Variants in HIVEP3 observed in about 807,000 individuals in gnomAD.
HIVEP3 encodes the protein HIVEP zinc finger 3, also known as transcription factor HIVEP3.
A neutral mutation model predicts 152.8 loss-of-function variants in HIVEP3; 49 were observed. The observed-to-expected ratio is 0.32, with a 90% confidence interval of 0.26 to 0.41. The LOEUF (loss-of-function observed/expected upper bound fraction) is 0.41. Ranked by LOEUF, HIVEP3 falls within the 10% of genes least tolerant of loss-of-function variation. The probability of loss-of-function intolerance (pLI) is 1.00; values close to 1 mark genes in which losing one functional copy is unlikely to be tolerated. For missense variants in HIVEP3, 2,790 were observed against 3,103.3 expected (o/e 0.90, Z 2.40); for synonymous variants, 1,269 against 1,289.0 (o/e 0.98, Z 0.33).
chr1:41,680,954 T>A (rs1190899235), intron 2 of HIVEP3, among the ~76,000 whole-genome samples: 1 of 152,234 alleles, frequency 6.6e-6, no homozygotes, highest in Non-Finnish European at 1.5e-5. Context: ...GCTGACCATT[T>A]CACATTTATT....
At chr1:41,998,887 C>CTTTTTTTTTTTTTTTT (rs1184823372) in intron 1 of HIVEP3, among the ~76,000 whole-genome samples, 3 of 77,310 alleles carry the variant, frequency 3.9e-5, no homozygotes, top group Non-Finnish European at 6.8e-5. Context: ...TTTTCTCTCT[C>CTTTTTTTTTTTTTTTT]TCTTTTTTTT....
At chr1:41,716,393 C>T (rs1285547255) in intron 1 of HIVEP3, among the ~76,000 whole-genome samples, 1 of 152,182 alleles carries the variant, frequency 6.6e-6, no homozygotes, top group African/African-American at 2.4e-5. Flanking sequence ...TTTGCTGCCC[C>T]ACCCAAGCTC....
At chr1:41,784,199 T>C (rs1305147747) in intron 1 of HIVEP3, among the ~76,000 whole-genome samples, 2 of 152,242 alleles carry the variant, frequency 1.3e-5, no homozygotes, top group African/African-American at 4.8e-5. Context: ...TGGAAGCCAC[T>C]AGCCACTTGT....
At chr1:41,994,954 G>T (rs185797087) in intron 1 of HIVEP3, among the ~76,000 whole-genome samples, 384 of 151,996 alleles carry the variant, frequency 2.5e-3, no homozygotes, top group Non-Finnish European at 3.8e-3. Context: ...TTATTAGAGA[G>T]AGAATTAGAA....
At chr1:41,723,366 C>T (rs533720873) in intron 1 of HIVEP3, among the ~76,000 whole-genome samples, 8 of 151,976 alleles carry the variant, frequency 5.3e-5, no homozygotes, top group South Asian at 4.2e-4. Context: ...ATTGTTGTAA[C>T]GGAAAGTCAT....
chr1:41,674,381 TC>T (rs1331516857), intron 2 of HIVEP3, among the ~76,000 whole-genome samples: 5 of 152,224 alleles, frequency 3.3e-5, no homozygotes, highest in African/African-American at 1.2e-4. Context: ...TGGCGATGCT[TC>T]ATCCTGTTCA....
intron 5 of HIVEP3, among the ~76,000 whole-genome samples, chr1:41,566,805 G>A (rs1450679604): frequency 6.6e-6 from 1 of 152,008 alleles, no homozygotes; most frequent in Non-Finnish European, 1.5e-5. Flanking sequence ...TGCTTCTCTG[G>A]CGATTCCTCC....
intron 1 of HIVEP3, among the ~76,000 whole-genome samples, chr1:41,898,887 T>C (rs2124450823): frequency 6.6e-6 from 1 of 152,388 alleles, no homozygotes; most frequent in Middle Eastern, 3.4e-3. Flanking sequence ...CCAGATCTAT[T>C]CATTCAGCAA....
chr1:41,528,288 CCACA>C (rs1259866489), intron 5 of HIVEP3, among the ~76,000 whole-genome samples: 1 of 126,816 alleles, frequency 7.9e-6, no homozygotes, highest in Non-Finnish European at 1.7e-5. Context: ...ACATACACCC[CCACA>C]CTCACCCTCA....
chr1:41,531,436 AAGACAGGGGAGAT>A, intron 5 of HIVEP3, among the ~76,000 whole-genome samples: 1 of 108,638 alleles, frequency 9.2e-6, no homozygotes, highest in East Asian at 4.0e-4. Context: ...GGGGAGATGG[AAGACAGGGGAGAT>A]GGAGGACATG....
Position 41,662,680 on chromosome 1 carries a change from G to T in HIVEP3, c.-720-33733C>A, listed in dbSNP as rs2124049376. On this transcript the variant is annotated intron_variant, in intron 2 of 8. Coordinates refer to ENST00000372583, the MANE Select transcript of HIVEP3 (RefSeq NM_024503.5). This position sits in a 1 kb window ranked among gnomAD's most constrained non-coding sequence, Gnocchi z 7.2. Reference sequence around the variant, plus strand: ...TGCGCGCCGGCCTCCTCGGTGACAGGCCGTGTCACTCCGGGCGCCGCCCCT... The same window carrying T: ...TGCGCGCCGGCCTCCTCGGTGACAGTCCGTGTCACTCCGGGCGCCGCCCCT... Among the ~76,000 whole-genome samples, 3 of 151,788 alleles carry T rather than the reference G, an allele frequency of 2.0e-5. No homozygotes were observed. The highest frequency in any genetic ancestry group is 7.2e-5 in the African/African-American group (3 of 41,454).
chr1:41,527,331 C>CCCTT (rs1643012006), intron 5 of HIVEP3, among the ~76,000 whole-genome samples: 3 of 67,582 alleles, frequency 4.4e-5, no homozygotes, highest in Non-Finnish European at 1.0e-4. Flanking sequence ...CACTCACACA[C>CCCTT]ACATCCCACC....
At chr1:41,956,401 C>G (rs72949494) in intron 1 of HIVEP3, among the ~76,000 whole-genome samples, 1,588 of 152,266 alleles carry the variant, frequency 0.01, 23 homozygotes, top group African/African-American at 0.035. Flanking sequence ...TGATCCTAAG[C>G]AAGAAAAACA....
intron 1 of HIVEP3, among the ~76,000 whole-genome samples, chr1:41,976,043 C>T (rs1255726568): frequency 2.0e-5 from 3 of 149,776 alleles, no homozygotes; most frequent in Non-Finnish European, 2.9e-5. Flanking sequence ...CTAGTGGTTT[C>T]ATCCACTTGA....
intron 5 of HIVEP3, among the ~76,000 whole-genome samples, chr1:41,558,685 G>A (rs1644007374): frequency 6.6e-6 from 1 of 152,174 alleles, no homozygotes; most frequent in Non-Finnish European, 1.5e-5. Flanking sequence ...GCCCTTGTCA[G>A]CTGCCTCCAT....
chr1:41,545,600 CACCACCATCACCACCACT>C (rs1643763281), intron 5 of HIVEP3, among the ~76,000 whole-genome samples: 1 of 141,024 alleles, frequency 7.1e-6, no homozygotes, highest in Non-Finnish European at 1.5e-5. Flanking sequence ...TCACCACCAC[CACCACCATCACCACCACT>C]ACCATCACCA....
chr1:41,762,024 T>C (rs566612840), intron 1 of HIVEP3, among the ~76,000 whole-genome samples: 1 of 152,220 alleles, frequency 6.6e-6, no homozygotes, highest in Non-Finnish European at 1.5e-5. Flanking sequence ...CTCACCTATT[T>C]TACACATACC....
chr1:41,857,983 A>C (rs74663696), intron 1 of HIVEP3, among the ~76,000 whole-genome samples: 23 of 148,578 alleles, frequency 1.5e-4, no homozygotes, highest in Non-Finnish European at 2.2e-4. Flanking sequence ...CAATCAATCA[A>C]TCTCTCTCTC....
intron 1 of HIVEP3, among the ~76,000 whole-genome samples, chr1:41,734,040 A>G (rs1180946556): frequency 1.4e-5 from 2 of 144,202 alleles, no homozygotes; most frequent in East Asian, 4.0e-4. Context: ...CTCAGCCCTC[A>G]CCCCCTCCTT....
Sources: allele counts gnomAD v4.1 joint callset (sites outside exome capture counted in the v4.1 genomes callset), GRCh38; gene constraint gnomAD v4.1.1; non-coding constraint Gnocchi (gnomAD v3.1); transcripts MANE v1.5; gene names NCBI Gene and HGNC (gene_info 2026-07-23, HGNC 2026-07-21).